The following MAK variants were observed in gnomAD, a reference collection of about 807,000 sequenced individuals.
MAK encodes male germ cell associated kinase.
Under a neutral mutation model 82.6 loss-of-function variants are expected in MAK, and 65 were observed. The ratio of observed to expected loss-of-function variants is 0.79; its 90% CI spans 0.64 to 0.97. MAK has a LOEUF of 0.97. Ranked by LOEUF, MAK falls within the 50% of genes least tolerant of loss-of-function variation. The pLI is 0.00. For synonymous variants in MAK, 250 were observed against 274.2 expected (o/e 0.91, Z 0.87); for missense variants, 703 against 780.2 (o/e 0.90, Z 1.18).
Position 10,775,349 on chromosome 6 carries a change from C to T in MAK, c.1576G>A (p.Ala526Thr). ...TTACCTGCATTGCTCCTTTTGAAAGCAAGTTCTGCCCCAACGGGTCCCAGT... is the reference window on the plus strand; with the variant it reads ...TTACCTGCATTGCTCCTTTTGAAAGTAAGTTCTGCCCCAACGGGTCCCAGT... The part of the protein sequence containing the change: ...KSLGPVGAEL[A>T]FKRSNAEESI... The change falls in exon 12 of 15, where the codon GCT (alanine) becomes ACT (threonine). Residue 526 changes from alanine (A) to threonine (T), a missense_variant. Physicochemically the swap from Ala to Thr is moderately conservative, Grantham distance 58. Transcript: ENST00000354489. 1 of 1,613,772 alleles carries T rather than the reference C, an allele frequency of 6.2e-7. No homozygotes were observed. Among genetic ancestry groups the T allele is most frequent in the South Asian group, 1.1e-5 (1 of 91,082 alleles).
intron 8 of MAK, among the ~76,000 whole-genome samples, chr6:10,797,393 A>G (rs934461856): frequency 2.0e-5 from 3 of 152,156 alleles, no homozygotes; most frequent in African/African-American, 7.2e-5. Context: ...GTCTGGAGAC[A>G]TTTCTTATTA....
intron 9 of MAK, among the ~76,000 whole-genome samples, chr6:10,792,692 A>G (rs558753102): frequency 6.6e-6 from 1 of 152,320 alleles, no homozygotes; most frequent in African/African-American, 2.4e-5. Context: ...AGAGCATGGA[A>G]AATTTTCAGA....
At chr6:10,778,303 G>A (rs1476910780) in intron 11 of MAK, among the ~76,000 whole-genome samples, 1 of 152,160 alleles carries the variant, frequency 6.6e-6, no homozygotes, top group African/African-American at 2.4e-5. Context: ...AATGAGCAGG[G>A]TGCATCATGT....
chr6:10,763,621 G>C lies in MAK; in HGVS notation c.*831C>G, dbSNP rs1219370997. The C allele has an allele frequency of 1.3e-5, 2 of 151,370 alleles. No homozygotes were observed. The highest frequency in any genetic ancestry group is 1.5e-5 in the Non-Finnish European group (1 of 68,018). The allele number at this position is 151,370 out of a possible 1,614,324, so 9.4% of individuals were successfully genotyped here. ...GCACTTTGGGAGGCCGAGGCAGGTG[G>C]ATCACCTGAGGTCAGGAGTTTGAGA... On this transcript the variant is annotated 3_prime_UTR_variant, in exon 15 of 15. Transcript: ENST00000354489.
At chr6:10,768,006 G>A (rs1316348817) in intron 14 of MAK, among the ~76,000 whole-genome samples, 1 of 152,014 alleles carries the variant, frequency 6.6e-6, no homozygotes, top group Non-Finnish European at 1.5e-5. Flanking sequence ...CCACTTGAGA[G>A]TGATTAATAT....
rs1389305183 is a variant in MAK, at chr6:10,800,686, A to C, written c.831+1206T>G. 6.6e-6 allele frequency among the ~76,000 whole-genome samples: 1 copy of C among 151,958 alleles called. No homozygotes were observed. The highest frequency in any genetic ancestry group is 2.4e-5 in the African/African-American group (1 of 41,372). ...GAAACCCTGTCTCTACTAAAAATAC[A>C]AAATTAGCCAGGCGTGGTGGCTCAT... On this transcript the variant is annotated intron_variant, in intron 8 of 14. Coordinates refer to ENST00000354489, the MANE Select transcript of MAK (RefSeq NM_001242957.3). The surrounding 1 kb of genome is among the most constrained non-coding windows in gnomAD (Gnocchi z 4.2).
chr6:10,795,064 A>C (rs1744264503), intron 9 of MAK, among the ~76,000 whole-genome samples: 1 of 152,176 alleles, frequency 6.6e-6, no homozygotes, highest in Admixed American at 6.5e-5. Flanking sequence ...AGAACACTGT[A>C]AAATGAAAGT....
intron 10 of MAK, among the ~76,000 whole-genome samples, chr6:10,785,908 G>A (rs752915533): frequency 7.9e-5 from 12 of 152,190 alleles, no homozygotes; most frequent in Non-Finnish European, 1.5e-4. Context: ...ATAAATACAA[G>A]TATAAATCTA....
At chr6:10,837,167 A>G (rs1779198007) in intron 1 of MAK, among the ~76,000 whole-genome samples, 1 of 150,410 alleles carries the variant, frequency 6.6e-6, no homozygotes, top group Non-Finnish European at 1.5e-5. Context: ...AGGCTGGCTT[A>G]ACGCTTCTAA....
Position 10,792,596 on chromosome 6 carries a change from A to G in MAK, c.1144-749T>C, listed in dbSNP as rs751598915. Among the ~76,000 whole-genome samples the G allele has an allele frequency of 3.0e-4, 46 of 152,350 alleles. No homozygotes were observed. In the Middle Eastern group the frequency reaches 0.014, roughly 45 times the overall value. On this transcript the variant is annotated intron_variant, in intron 9 of 14. Coordinates refer to ENST00000354489, the MANE Select transcript of MAK (RefSeq NM_001242957.3). ...AAGAAGTCCTGGCTTAGAGCACACAATGAATTGGTTTTATACAAATTTACA... is the reference window on the plus strand; with the variant it reads ...AAGAAGTCCTGGCTTAGAGCACACAGTGAATTGGTTTTATACAAATTTACA...
intron 5 of MAK, among the ~76,000 whole-genome samples, chr6:10,813,128 ATATATAAATTTTTTT>A (rs1777160001): frequency 0.01 from 7 of 682 alleles, no homozygotes; most frequent in African/African-American, 0.025. Flanking sequence ...ATATATATAT[ATATATAAATTTTTTT>A]TTTTTTTTTT....
intron 14 of MAK, among the ~76,000 whole-genome samples, chr6:10,767,261 A>T (rs1162366400): frequency 1.3e-5 from 2 of 152,224 alleles, no homozygotes; most frequent in Admixed American, 1.3e-4. Context: ...ACTTTTAGCA[A>T]CATATAAAAC....
At chr6:10,794,262 C>T (rs1267128615) in intron 9 of MAK, among the ~76,000 whole-genome samples, 1 of 152,146 alleles carries the variant, frequency 6.6e-6, no homozygotes. Flanking sequence ...GTTTACAAGT[C>T]ATGTGGGCAA....
At chr6:10,837,382 CA>C (rs1320033835) in intron 1 of MAK, among the ~76,000 whole-genome samples, 1 of 152,164 alleles carries the variant, frequency 6.6e-6, no homozygotes, top group Admixed American at 6.5e-5. Flanking sequence ...AGCTTATACA[CA>C]AAAAAAGTCC....
intron 1 of MAK, among the ~76,000 whole-genome samples, chr6:10,834,358 G>A (rs9461232): frequency 0.021 from 3,248 of 152,236 alleles, 94 homozygotes; most frequent in African/African-American, 0.073. Context: ...ATCAACTAGA[G>A]AATCAACGAT....
chr6:10,764,742 T>C, intron 14 of MAK, 136 bp from the exon 15 acceptor site: 1 of 917,266 alleles, frequency 1.1e-6, no homozygotes, highest in Non-Finnish European at 1.7e-6. Flanking sequence ...TCTCTGAGGC[T>C]TTTTAAATGT....
chr6:10,820,233 A>G (rs1024341633), intron 2 of MAK, among the ~76,000 whole-genome samples: 2 of 152,194 alleles, frequency 1.3e-5, no homozygotes, highest in Non-Finnish European at 2.9e-5. Context: ...TTCATTTAGT[A>G]TTATAATCTC....
At chr6:10,805,670 A>C (rs1226594748) in intron 6 of MAK, among the ~76,000 whole-genome samples, 2 of 152,142 alleles carry the variant, frequency 1.3e-5, no homozygotes, top group Non-Finnish European at 2.9e-5. Context: ...TGGTTTCATC[A>C]TATGTTGTTT....
At position 10,775,410 on chromosome 6, in the gene MAK, G is replaced by A; in HGVS notation, c.1515C>T (p.Asn505=). 1 of 1,613,892 alleles carries A rather than the reference G, an allele frequency of 6.2e-7. No individual in the cohort carries two copies. The highest frequency in any genetic ancestry group is 2.2e-5 in the East Asian group (1 of 44,872). Residue 505 remains asparagine (N), a synonymous_variant, in exon 12 of 15, where the codon AAC becomes AAT. Transcript: ENST00000354489. ...VSLIASGKEI[N]PHTWSNQLFP... is the part of the protein sequence containing the mutation. ...ATAACTGGTTGCTCCAAGTGTGGGG[G>A]TTTATTTCCTTTCCACTGGCTATCA...
Sources: gnomAD v4.1 joint callset for allele counts (sites outside exome capture counted in the v4.1 genomes callset) on GRCh38, gnomAD v4.1.1 for gene constraint, Gnocchi (gnomAD v3.1) non-coding constraint, MANE v1.5 for transcripts, NCBI Gene and HGNC (gene_info 2026-07-23, HGNC 2026-07-21) for gene names.